NKAIN2: variants seen among roughly 807,000 people sequenced by gnomAD.
NKAIN2 encodes the protein sodium/potassium-transporting ATPase subunit beta-1-interacting protein 2.
Under a neutral mutation model 32.6 loss-of-function variants are expected in NKAIN2, and 14 were observed. The observed-to-expected ratio is 0.43, with a 90% CI of 0.28 to 0.67. NKAIN2 has a LOEUF of 0.67. Ranked by LOEUF, NKAIN2 falls within the 30% of genes least tolerant of loss-of-function variation. NKAIN2 has a pLI of 0.17. For synonymous variants in NKAIN2, 80 were observed against 87.2 expected, an observed-to-expected ratio of 0.92 and a Z score of 0.46; for missense variants, 198 against 258.3, an observed-to-expected ratio of 0.77 and a Z score of 1.60.
At chr6:124,448,796 G>C (rs142992979) in intron 3 of NKAIN2, among the ~76,000 whole-genome samples, 2 of 152,196 alleles carry the variant, frequency 1.3e-5, no homozygotes, top group East Asian at 3.9e-4. Flanking sequence ...TTAAATGTCA[G>C]CTAATTCTGC....
chr6:124,427,219 T>C (rs1437589540), intron 3 of NKAIN2, among the ~76,000 whole-genome samples: 3 of 152,212 alleles, frequency 2.0e-5, no homozygotes, highest in Non-Finnish European at 2.9e-5. Flanking sequence ...TGAATGTTCA[T>C]AACAGTTTAT....
intron 3 of NKAIN2, among the ~76,000 whole-genome samples, chr6:124,443,774 A>G (rs1384865685): frequency 1.3e-5 from 2 of 152,250 alleles, no homozygotes; most frequent in Non-Finnish European, 2.9e-5. Flanking sequence ...ATTCCACTAT[A>G]CAGTCATGAC....
At chr6:124,817,111 T>G (rs1250741777) in intron 5 of NKAIN2, among the ~76,000 whole-genome samples, 2 of 152,092 alleles carry the variant, frequency 1.3e-5, no homozygotes, top group Non-Finnish European at 2.9e-5. Flanking sequence ...GACTCAACAG[T>G]GAGGGTCTAG....
At chr6:124,412,797 C>T (rs1374026447) in intron 3 of NKAIN2, among the ~76,000 whole-genome samples, 1 of 152,198 alleles carries the variant, frequency 6.6e-6, no homozygotes, top group East Asian at 1.9e-4. Context: ...GCAGGCAGGC[C>T]TCCTTGATCT....
At chr6:123,851,217 G>A (rs1284938371) in intron 1 of NKAIN2, among the ~76,000 whole-genome samples, 1 of 149,806 alleles carries the variant, frequency 6.7e-6, no homozygotes, top group Non-Finnish European at 1.5e-5. Flanking sequence ...ACTCAGTAGG[G>A]GGATTGCTGG....
chr6:124,009,045 T>C (rs955471418), intron 1 of NKAIN2, among the ~76,000 whole-genome samples: 1 of 152,166 alleles, frequency 6.6e-6, no homozygotes, highest in African/African-American at 2.4e-5. Flanking sequence ...AGAAATGAAA[T>C]AGATCACTGG....
At chr6:124,156,809 A>G (rs1788007950) in intron 1 of NKAIN2, among the ~76,000 whole-genome samples, 1 of 152,078 alleles carries the variant, frequency 6.6e-6, no homozygotes. Context: ...CATGAGAAAA[A>G]ATGATGACCT....
intron 1 of NKAIN2, among the ~76,000 whole-genome samples, chr6:124,035,834 A>G (rs1245906675): frequency 2.0e-5 from 3 of 152,136 alleles, no homozygotes; most frequent in Non-Finnish European, 4.4e-5. Context: ...GTACCTTAGT[A>G]CTGCTTATGA....
chr6:123,929,749 A>G (rs1776170085), intron 1 of NKAIN2, among the ~76,000 whole-genome samples: 1 of 152,078 alleles, frequency 6.6e-6, no homozygotes, highest in African/African-American at 2.4e-5. Context: ...AGTATCCCTT[A>G]TCTGAAATGC....
intron 1 of NKAIN2, among the ~76,000 whole-genome samples, chr6:124,276,315 CACACACACAT>C (rs981796436): frequency 1.2e-4 from 18 of 151,936 alleles, no homozygotes; most frequent in African/African-American, 3.6e-4. Flanking sequence ...CACACACACA[CACACACACAT>C]ACACACCATC....
chr6:124,822,342 A>G (rs1412022616), intron 6 of NKAIN2, among the ~76,000 whole-genome samples: 1 of 152,222 alleles, frequency 6.6e-6, no homozygotes, highest in South Asian at 2.1e-4. Context: ...CTTGTAAAGT[A>G]AGAGTAATTT....
intron 2 of NKAIN2, among the ~76,000 whole-genome samples, chr6:124,342,583 C>T (rs114141659): frequency 1.3e-5 from 2 of 151,864 alleles, no homozygotes; most frequent in African/African-American, 4.8e-5. Flanking sequence ...TCTTGGCTCA[C>T]TGCAACCTCC....
At chr6:124,050,168 G>T (rs1727857334) in intron 1 of NKAIN2, among the ~76,000 whole-genome samples, 1 of 151,782 alleles carries the variant, frequency 6.6e-6, no homozygotes, top group Admixed American at 6.6e-5. Context: ...TGAGCCAATT[G>T]GGAACTGAAT....
At chr6:124,144,513 A>G (rs1377989185) in intron 1 of NKAIN2, among the ~76,000 whole-genome samples, 1 of 152,204 alleles carries the variant, frequency 6.6e-6, no homozygotes, top group Non-Finnish European at 1.5e-5. Flanking sequence ...GGTAAGAAAG[A>G]CACAAAAACA....
intron 1 of NKAIN2, among the ~76,000 whole-genome samples, chr6:123,972,843 A>G (rs1262960038): frequency 6.6e-6 from 1 of 152,142 alleles, no homozygotes; most frequent in African/African-American, 2.4e-5. Flanking sequence ...ATGGTAGATA[A>G]ATACAAAGTT....
chr6:123,956,763 C>T lies in NKAIN2; in HGVS notation c.54+152509C>T, dbSNP rs114960362. 7.1e-3 allele frequency among the ~76,000 whole-genome samples: 1,079 copies of T among 152,134 alleles called. 10 individuals carry two copies. The highest frequency in any genetic ancestry group is 0.024 in the African/African-American group (991 of 41,498). ...ACAGTTCCATCCAAGTTACAAGTTG[C>T]GTTAGGAGAAAGAAAAGGCTACACC... On this transcript the variant is annotated intron_variant, in intron 1 of 6. Coordinates refer to ENST00000368417, the MANE Select transcript of NKAIN2 (RefSeq NM_001040214.3).
intron 3 of NKAIN2, among the ~76,000 whole-genome samples, chr6:124,476,095 T>TGC (rs1220307231): frequency 2.1e-4 from 30 of 142,358 alleles, no homozygotes; most frequent in African/African-American, 6.4e-4. Flanking sequence ...TGTGTGTGTG[T>TGC]GTGCGTGCGC....
At chr6:124,056,583 A>G (rs1370611889) in intron 1 of NKAIN2, among the ~76,000 whole-genome samples, 7 of 152,000 alleles carry the variant, frequency 4.6e-5, no homozygotes, top group Admixed American at 4.6e-4. Context: ...CATCATTAAT[A>G]ATTAATAGGA....
chr6:124,261,202 G>A (rs754676940), intron 1 of NKAIN2, among the ~76,000 whole-genome samples: 1 of 152,152 alleles, frequency 6.6e-6, no homozygotes, highest in African/African-American at 2.4e-5. Context: ...AAACAGATAA[G>A]CTGTGATACA....
Sources: allele counts gnomAD v4.1 joint callset (sites outside exome capture counted in the v4.1 genomes callset), GRCh38; gene constraint gnomAD v4.1.1; transcripts MANE v1.5; gene names NCBI Gene and HGNC (gene_info 2026-07-23, HGNC 2026-07-21).